The following NCKAP1 variants were observed in gnomAD, a reference collection of about 807,000 sequenced individuals.
The protein encoded by NCKAP1 is nck-associated protein 1.
Under a neutral mutation model 151.2 loss-of-function variants are expected in NCKAP1, and 21 were observed. The ratio of observed to expected loss-of-function variants is 0.14; its 90% confidence interval spans 0.10 to 0.20. The LOEUF is 0.20. NCKAP1 is among the 10% of genes least tolerant of loss of function. The pLI is 1.00. For synonymous variants in NCKAP1, 484 were observed against 451.8 expected (o/e 1.07, Z -0.90); for missense variants, 933 against 1,352.1 (o/e 0.69, Z 4.86).
At chr2:182,932,187 G>A (rs967645313) in intron 26 of NCKAP1, among the ~76,000 whole-genome samples, 1 of 152,124 alleles carries the variant, frequency 6.6e-6, no homozygotes, top group African/African-American at 2.4e-5. Flanking sequence ...CACAGTAGCA[G>A]TGTTTCTAAT....
Position 182,919,469 on chromosome 2 carries a change from TA to T in NCKAP1, c.*6232del, listed in dbSNP as rs1696516511. Reference sequence around the variant, plus strand: ...GCAATCAATGACCATGTGACTAACGTAAGTTATGGTCATACCTAATTAGTAT... The same window carrying T: ...GCAATCAATGACCATGTGACTAACGTAGTTATGGTCATACCTAATTAGTAT... On this transcript the variant is annotated 3_prime_UTR_variant, in exon 31 of 31. Transcript: ENST00000361354. 6.6e-6 allele frequency: 1 copy of T among 152,200 alleles called. No individual in the cohort carries two copies. The highest frequency in any genetic ancestry group is 2.1e-4 in the South Asian group (1 of 4,836). 9.4% of individuals were successfully genotyped at this position (152,200 alleles called of 1,614,324 possible).
intron 18 of NCKAP1, among the ~76,000 whole-genome samples, chr2:182,961,310 T>C (rs1326075861): frequency 1.3e-5 from 2 of 152,108 alleles, no homozygotes; most frequent in East Asian, 1.9e-4. Context: ...CTATTCACAA[T>C]AGCAAAGACT....
Position 183,025,075 on chromosome 2 carries a change from A to C in NCKAP1, c.109-1159T>G, listed in dbSNP as rs555565846. 304 of 1,339,704 alleles carry C rather than the reference A, an allele frequency of 2.3e-4. 1 individual carries two copies. Among genetic ancestry groups the C allele is most frequent in the Non-Finnish European group, 3.2e-4 (299 of 945,350 alleles). The allele number at this position is 1,339,704 out of a possible 1,614,324, so 83.0% of individuals were successfully genotyped here. On this transcript the variant is annotated intron_variant, in intron 1 of 30. Coordinates refer to ENST00000361354, the MANE Select transcript of NCKAP1 (RefSeq NM_013436.5). ...AAACTATGATATACGTTTCAGAAGA[A>C]AACTTATGCACTGCAGACTATGAAT...
rs536343393 is a variant in NCKAP1 at position 182,999,804 on chromosome 2, CG to C, written c.603+2148del. Among the ~76,000 whole-genome samples the C allele has an allele frequency of 2.6e-5, 4 of 152,240 alleles. No homozygotes were observed. The South Asian group carries it at 8.3e-4, about 32-fold the overall frequency. On this transcript the variant is annotated intron_variant, in intron 6 of 30. Transcript: ENST00000361354. ...AAGAGAGTGTGGTATATATGCACCA[CG>C]GAACACTATGCAGCCATAAAAAGGA...
chr2:183,018,103 CG>C (rs1698728496), intron 2 of NCKAP1, among the ~76,000 whole-genome samples: 1 of 151,882 alleles, frequency 6.6e-6, no homozygotes, highest in Admixed American at 6.6e-5. Flanking sequence ...GAAAATTAGG[CG>C]GGCGTGGTGG....
chr2:182,989,619 G>A (rs1698127114), intron 8 of NCKAP1, among the ~76,000 whole-genome samples: 1 of 152,166 alleles, frequency 6.6e-6, no homozygotes, highest in African/African-American at 2.4e-5. Context: ...GGTTGAAGTG[G>A]GAGGATTGCT....
At position 182,910,086 on chromosome 2, in the gene NCKAP1, T is replaced by G. The variant is rs538231160; in HGVS notation, c.*15616A>C. Reference sequence around the variant, plus strand: ...AGAGTTAAGGAGAAACAGTGGTTTCTGCAAAGCTGTGGTAGCTGGCTCTTT... The same window carrying G: ...AGAGTTAAGGAGAAACAGTGGTTTCGGCAAAGCTGTGGTAGCTGGCTCTTT... On this transcript the variant is annotated 3_prime_UTR_variant, in exon 31 of 31. Transcript: ENST00000361354. 1 of 152,398 alleles carries G rather than the reference T, an allele frequency of 6.6e-6. No homozygotes were observed. Among genetic ancestry groups the G allele is most frequent in the South Asian group, 2.1e-4 (1 of 4,832 alleles). The allele number at this position is 152,398 out of a possible 1,614,324, so 9.4% of individuals were successfully genotyped here. A position where few individuals can be genotyped will look rare whatever the true frequency, so the allele number is the denominator to read the frequency against.
chr2:182,936,565 T>TA (rs1376791373), intron 24 of NCKAP1, among the ~76,000 whole-genome samples: 4 of 152,202 alleles, frequency 2.6e-5, no homozygotes, highest in Non-Finnish European at 5.9e-5. Context: ...CAGTAACTGT[T>TA]AAAGTTACTA....
intron 24 of NCKAP1, among the ~76,000 whole-genome samples, chr2:182,936,377 G>GTA (rs1244927081): frequency 1.3e-5 from 2 of 152,298 alleles, no homozygotes; most frequent in East Asian, 3.9e-4. Context: ...CTTACACTGT[G>GTA]TAGTAAAAGA....
At chr2:183,012,339 G>A (rs1051256124) in intron 2 of NCKAP1, among the ~76,000 whole-genome samples, 8 of 152,128 alleles carry the variant, frequency 5.3e-5, no homozygotes, top group Non-Finnish European at 1.0e-4. Flanking sequence ...ATGATTTTTG[G>A]TACATGAATA....
chr2:182,995,936 T>G, intron 6 of NCKAP1, 98 bp from the exon 7 acceptor site: 1 of 1,056,718 alleles, frequency 9.5e-7, no homozygotes, highest in Non-Finnish European at 1.4e-6. Context: ...TATACCATCA[T>G]AAAACAACAC....
In NCKAP1 at chr2:182,914,134, A is replaced by G. The variant is rs940686339; in HGVS notation, c.*11568T>C. The G allele has an allele frequency of 6.6e-6, 1 of 152,182 alleles. No individual in the cohort carries two copies. Among genetic ancestry groups the G allele is most frequent in the African/African-American group, 2.4e-5 (1 of 41,444 alleles). The allele number at this position is 152,182 out of a possible 1,614,324, so 9.4% of individuals were successfully genotyped here. ...CTTTAGCAGTATCTCCCCTTAAATGAAGTTATAGTTAGGGCAGGTAATCGT... is the reference window on the plus strand; with the variant it reads ...CTTTAGCAGTATCTCCCCTTAAATGGAGTTATAGTTAGGGCAGGTAATCGT... On this transcript the variant is annotated 3_prime_UTR_variant, in exon 31 of 31. Coordinates refer to ENST00000361354, the MANE Select transcript of NCKAP1 (RefSeq NM_013436.5).
At chr2:182,934,935 TTTTAC>T (rs1696842885) in intron 25 of NCKAP1, 103 bp from the exon 26 acceptor site, 5 of 601,476 alleles carry the variant, frequency 8.3e-6, no homozygotes, top group African/African-American at 1.9e-5. Context: ...ATAAAAATTA[TTTTAC>T]TTTATCTACT....
chr2:182,953,616 C>A (rs1279343092), intron 20 of NCKAP1, among the ~76,000 whole-genome samples: 1 of 152,052 alleles, frequency 6.6e-6, no homozygotes, highest in Non-Finnish European at 1.5e-5. Context: ...TCCTGGCCAA[C>A]ATGGTGAATC....
rs1332516509 is a variant in NCKAP1 at position 182,912,646 on chromosome 2, T to C, written c.*13056A>G. ...TTCAGAATTATAAATGCTTGGCTAG[T>C]TAGCCATAATAAAAATGGAATTTGA... On this transcript the variant is annotated 3_prime_UTR_variant, in exon 31 of 31. Coordinates refer to ENST00000361354, the MANE Select transcript of NCKAP1 (RefSeq NM_013436.5). 2.0e-5 allele frequency: 3 copies of C among 152,230 alleles called. No homozygotes were observed. Among genetic ancestry groups the C allele is most frequent in the Admixed American group, 1.3e-4 (2 of 15,284 alleles). 9.4% of individuals were successfully genotyped at this position (152,230 alleles called of 1,614,324 possible).
At chr2:182,929,722 C>A in intron 27 of NCKAP1, among the ~76,000 whole-genome samples, 1 of 143,422 alleles carries the variant, frequency 7.0e-6, no homozygotes, top group South Asian at 2.2e-4. Context: ...CTAAATGTAA[C>A]ATACTGTATG....
At chr2:182,929,382 A>T (rs1696713543) in intron 27 of NCKAP1, among the ~76,000 whole-genome samples, 1 of 152,040 alleles carries the variant, frequency 6.6e-6, no homozygotes, top group African/African-American at 2.4e-5. Flanking sequence ...TTTAAAAGAC[A>T]TAAATGTGGA....
chr2:182,966,967 C>T (rs1697584318), intron 16 of NCKAP1, among the ~76,000 whole-genome samples: 1 of 151,916 alleles, frequency 6.6e-6, no homozygotes, highest in Non-Finnish European at 1.5e-5. Flanking sequence ...TTCAACTCCT[C>T]AAAAAAATGT....
intron 1 of NCKAP1, among the ~76,000 whole-genome samples, chr2:183,026,255 C>A (rs1215167003): frequency 6.6e-6 from 1 of 152,018 alleles, no homozygotes; most frequent in Non-Finnish European, 1.5e-5. Context: ...ATAGCATGAC[C>A]CTGTCTCTAC....
Sources: gnomAD v4.1 joint callset for allele counts (sites outside exome capture counted in the v4.1 genomes callset) on GRCh38, gnomAD v4.1.1 for gene constraint, MANE v1.5 for transcripts, NCBI Gene and HGNC (gene_info 2026-07-23, HGNC 2026-07-21) for gene names.